The following IMMP2L variants were observed in gnomAD, a reference collection of about 807,000 sequenced individuals.
The protein encoded by IMMP2L is inner mitochondrial membrane peptidase subunit 2, also known as mitochondrial inner membrane protease subunit 2.
A neutral mutation model predicts 19.3 loss-of-function variants in IMMP2L; 18 were observed. The observed-to-expected ratio is 0.93, with a 90% CI of 0.64 to 1.38. IMMP2L has a LOEUF of 1.38. Ranked by LOEUF, IMMP2L falls within the 40% of genes most tolerant of loss-of-function variation. The probability of loss-of-function intolerance (pLI) is 0.00; values close to 1 mark genes in which losing one functional copy is unlikely to be tolerated. For missense variants in IMMP2L, 233 were observed against 218.2 expected (o/e 1.07, Z -0.43); for synonymous variants, 76 against 73.0 (o/e 1.04, Z -0.21).
chr7:111,523,240 T>C (rs1846523716), intron 1 of IMMP2L, among the ~76,000 whole-genome samples: 1 of 151,998 alleles, frequency 6.6e-6, no homozygotes, highest in African/African-American at 2.4e-5. Flanking sequence ...TGGTAAGATA[T>C]TGTATTCTTG....
At chr7:110,675,326 C>T (rs1349814552) in intron 5 of IMMP2L, among the ~76,000 whole-genome samples, 2 of 151,978 alleles carry the variant, frequency 1.3e-5, no homozygotes, top group Non-Finnish European at 2.9e-5. Flanking sequence ...TTCAAATGAA[C>T]AAAATGAGCA....
intron 1 of IMMP2L, among the ~76,000 whole-genome samples, chr7:111,523,834 A>G (rs1846585472): frequency 1.3e-5 from 2 of 152,118 alleles, no homozygotes. Flanking sequence ...TAACCACTAT[A>G]TTCCTAAAAG....
At chr7:111,082,628 T>C (rs1795978027) in intron 3 of IMMP2L, among the ~76,000 whole-genome samples, 1 of 152,166 alleles carries the variant, frequency 6.6e-6, no homozygotes, top group Non-Finnish European at 1.5e-5. Context: ...ACAGCCAGGC[T>C]TCTCCCAGGC....
At chr7:111,209,295 G>A (rs1811053694) in intron 3 of IMMP2L, among the ~76,000 whole-genome samples, 1 of 151,450 alleles carries the variant, frequency 6.6e-6, no homozygotes, top group Admixed American at 6.6e-5. Flanking sequence ...TACTTGCGAG[G>A]CTGAGGCAGG....
At chr7:110,901,138 T>C (rs1811824958) in intron 4 of IMMP2L, among the ~76,000 whole-genome samples, 1 of 152,082 alleles carries the variant, frequency 6.6e-6, no homozygotes, top group Non-Finnish European at 1.5e-5. Context: ...TCAGCATACT[T>C]TTCTTCATAG....
chr7:111,532,122 T>C (rs995630131), intron 1 of IMMP2L, among the ~76,000 whole-genome samples: 5 of 151,996 alleles, frequency 3.3e-5, no homozygotes, highest in Middle Eastern at 3.4e-3. Context: ...GGGTACAAAA[T>C]ATTAGAAAGT....
At chr7:110,986,719 C>G (rs1821897265) in intron 3 of IMMP2L, among the ~76,000 whole-genome samples, 1 of 151,948 alleles carries the variant, frequency 6.6e-6, no homozygotes, top group Admixed American at 6.6e-5. Context: ...CTCATAGCTT[C>G]TCTTGGCCTC....
chr7:111,153,676 T>C (rs908850513), intron 3 of IMMP2L, among the ~76,000 whole-genome samples: 9 of 152,042 alleles, frequency 5.9e-5, no homozygotes, highest in Admixed American at 6.6e-5. Flanking sequence ...AACAAACATA[T>C]ATACAACACA....
intron 3 of IMMP2L, among the ~76,000 whole-genome samples, chr7:111,102,401 G>T (rs1798072482): frequency 6.6e-6 from 1 of 151,420 alleles, no homozygotes; most frequent in South Asian, 2.1e-4. Flanking sequence ...TTAGCTGCTG[G>T]AGTTTAGCAG....
intron 3 of IMMP2L, among the ~76,000 whole-genome samples, chr7:111,065,295 G>T (rs1794388219): frequency 6.6e-6 from 1 of 152,168 alleles, no homozygotes; most frequent in Admixed American, 6.5e-5. Context: ...CATTTGGTTT[G>T]GGGATTGGTG....
intron 4 of IMMP2L, among the ~76,000 whole-genome samples, chr7:110,957,098 C>T (rs1165587086): frequency 6.6e-6 from 1 of 151,938 alleles, no homozygotes; most frequent in Non-Finnish European, 1.5e-5. Context: ...ATGAAAATGA[C>T]TGCATTCCTA....
chr7:111,302,430 T>A (rs913470383), intron 3 of IMMP2L, among the ~76,000 whole-genome samples: 6 of 152,110 alleles, frequency 3.9e-5, no homozygotes, highest in African/African-American at 1.2e-4. Context: ...AAGTGTGGCA[T>A]GAATAATAAT....
intron 1 of IMMP2L, among the ~76,000 whole-genome samples, chr7:111,545,006 GACAAC>G (rs1052302361): frequency 6.6e-6 from 1 of 151,914 alleles, no homozygotes; most frequent in African/African-American, 2.4e-5. Context: ...AGCAGAATAA[GACAAC>G]ATCAAGAACA....
chr7:111,189,974 C>A (rs766027831), intron 3 of IMMP2L, among the ~76,000 whole-genome samples: 1 of 152,048 alleles, frequency 6.6e-6, no homozygotes, highest in African/African-American at 2.4e-5. Flanking sequence ...TGGAGAAAGT[C>A]CCTGAAATAC....
intron 3 of IMMP2L, among the ~76,000 whole-genome samples, chr7:111,134,320 T>C (rs1802129668): frequency 6.6e-6 from 1 of 152,152 alleles, no homozygotes; most frequent in African/African-American, 2.4e-5. Context: ...CTCTATTATG[T>C]TTCCAATTGG....
At chr7:111,415,110 C>A (rs972369223) in intron 3 of IMMP2L, among the ~76,000 whole-genome samples, 5 of 151,836 alleles carry the variant, frequency 3.3e-5, no homozygotes, top group Non-Finnish European at 7.4e-5. Flanking sequence ...GTGGGTCCTC[C>A]TTGAAGGATA....
At chr7:110,992,384 A>T (rs1822573071) in intron 3 of IMMP2L, among the ~76,000 whole-genome samples, 1 of 152,078 alleles carries the variant, frequency 6.6e-6, no homozygotes, top group East Asian at 1.9e-4. Flanking sequence ...ACTAGATTTG[A>T]TACCAATTTC....
intron 1 of IMMP2L, among the ~76,000 whole-genome samples, chr7:111,546,198 G>A (rs1210104277): frequency 6.6e-6 from 1 of 151,822 alleles, no homozygotes; most frequent in African/African-American, 2.4e-5. Context: ...GGATCTATAG[G>A]ATACAATCTA....
At chr7:111,004,443 G>C (rs1270097458) in intron 3 of IMMP2L, among the ~76,000 whole-genome samples, 1 of 152,218 alleles carries the variant, frequency 6.6e-6, no homozygotes, top group African/African-American at 2.4e-5. Context: ...GTGATTAAAG[G>C]CATGAAACAA....
Sources: gnomAD v4.1 joint callset for allele counts (sites outside exome capture counted in the v4.1 genomes callset) on GRCh38, gnomAD v4.1.1 for gene constraint, MANE v1.5 for transcripts, NCBI Gene and HGNC (gene_info 2026-07-23, HGNC 2026-07-21) for gene names.